The following NXPE2 variants were observed in gnomAD, a reference collection of about 807,000 sequenced individuals.
NXPE2 encodes neurexophilin and PC-esterase domain family member 2.
In NXPE2, 34 loss-of-function variants were observed where a neutral mutation model predicts 34.4. That is an observed-to-expected ratio of 0.99 (90% confidence interval 0.75 to 1.31). The LOEUF (loss-of-function observed/expected upper bound fraction) is 1.31, where lower values mean the gene tolerates loss of function less well. NXPE2 is among the 40% of genes most tolerant of loss of function. NXPE2 has a pLI of 0.00. For synonymous variants in NXPE2, 235 were observed against 231.3 expected (o/e 1.02, Z -0.15); for missense variants, 649 against 672.5 (o/e 0.97, Z 0.39).
the NXPE2 span, among the ~76,000 whole-genome samples, chr11:114,809,794 C>T: frequency 0.12 from 10,361 of 89,060 alleles, 719 homozygotes; most frequent in South Asian, 0.15. Flanking sequence ...CAATGCCATC[C>T]CCATCAAGCT....
chr11:114,633,769 C>G, the NXPE2 span, among the ~76,000 whole-genome samples: 17 of 152,020 alleles, frequency 1.1e-4, no homozygotes, highest in African/African-American at 4.1e-4. Flanking sequence ...CCAATTTCAT[C>G]CATGTCCCTA....
At chr11:114,485,812 G>A in the NXPE2 span, among the ~76,000 whole-genome samples, 3 of 152,152 alleles carry the variant, frequency 2.0e-5, no homozygotes, top group Non-Finnish European at 2.9e-5. Context: ...CATCCCTGAT[G>A]TTGCAAATGA....
the NXPE2 span, among the ~76,000 whole-genome samples, chr11:114,620,952 G>A: frequency 6.6e-6 from 1 of 152,140 alleles, no homozygotes; most frequent in Non-Finnish European, 1.5e-5. Context: ...TTTACCTGTT[G>A]GATAATAAGT....
chr11:114,704,640 T>A (rs1298069266), intron 4 of NXPE2, among the ~76,000 whole-genome samples: 1 of 152,142 alleles, frequency 6.6e-6, no homozygotes, highest in East Asian at 1.9e-4. Flanking sequence ...ATCAACGGGG[T>A]GTACCATTAC....
intron 2 of NXPE2, among the ~76,000 whole-genome samples, chr11:114,689,455 G>A (rs574624736): frequency 6.6e-6 from 1 of 151,870 alleles, no homozygotes; most frequent in Non-Finnish European, 1.5e-5. Context: ...TAGATGCTTG[G>A]TATGATTTCA....
the NXPE2 span, chr11:114,584,486 C>A: frequency 8.6e-5 from 16 of 186,560 alleles, no homozygotes; most frequent in South Asian, 1.2e-3. Flanking sequence ...GTTTCTCTGA[C>A]AGATGAATTA....
the NXPE2 span, among the ~76,000 whole-genome samples, chr11:114,766,022 C>G: frequency 6.6e-6 from 1 of 152,196 alleles, no homozygotes; most frequent in South Asian, 2.1e-4. Flanking sequence ...CTTCCTTTTT[C>G]CAAACACTTC....
the NXPE2 span, among the ~76,000 whole-genome samples, chr11:114,549,879 A>C: frequency 6.6e-6 from 1 of 152,086 alleles, no homozygotes; most frequent in Non-Finnish European, 1.5e-5. Flanking sequence ...ATTTAGTAAA[A>C]TAGTAGGAAA....
At chr11:114,531,204 T>C in the NXPE2 span, among the ~76,000 whole-genome samples, 1 of 152,150 alleles carries the variant, frequency 6.6e-6, no homozygotes. Context: ...TTTTAGAGAA[T>C]GTCTGAACAG....
chr11:114,524,973 G>A, the NXPE2 span, among the ~76,000 whole-genome samples: 163 of 152,178 alleles, frequency 1.1e-3, no homozygotes, highest in African/African-American at 3.6e-3. Flanking sequence ...AGTGTTTCTT[G>A]TATAACAGCA....
At chr11:114,537,292 G>C in the NXPE2 span, among the ~76,000 whole-genome samples, 2 of 152,220 alleles carry the variant, frequency 1.3e-5, no homozygotes, top group East Asian at 3.9e-4. Flanking sequence ...AAAATAATAA[G>C]AGCTATCTAT....
the NXPE2 span, chr11:114,527,714 G>T: frequency 3.4e-6 from 2 of 586,316 alleles, no homozygotes; most frequent in Non-Finnish European, 3.0e-6. Context: ...TCCCTTTAAA[G>T]TCCAGCATGA....
chr11:114,583,273 C>A, the NXPE2 span: 1 of 652,084 alleles, frequency 1.5e-6, no homozygotes, highest in South Asian at 1.7e-5. Flanking sequence ...GGCAGGGCAC[C>A]AGGAGGAAAG....
At chr11:114,530,350 A>G in the NXPE2 span, 1 of 1,614,228 alleles carries the variant, frequency 6.2e-7, no homozygotes, top group African/African-American at 1.3e-5. Flanking sequence ...GTCAGGCCAC[A>G]TTCAGTGAAG....
chr11:114,705,715 A>G (rs1424814020), intron 4 of NXPE2, 66 bp from the exon 5 acceptor site: 4 of 1,018,418 alleles, frequency 3.9e-6, no homozygotes, highest in Non-Finnish European at 5.4e-6. Context: ...GGCAAAAATG[A>G]GAAACATTTT....
At chr11:114,530,524 C>T in the NXPE2 span, 1 of 1,613,918 alleles carries the variant, frequency 6.2e-7, no homozygotes, top group South Asian at 1.1e-5. Flanking sequence ...AGGTAGGTGC[C>T]ATTGTTGAAG....
At chr11:114,701,859 A>T (rs903576745) in intron 3 of NXPE2, among the ~76,000 whole-genome samples, 1 of 152,188 alleles carries the variant, frequency 6.6e-6, no homozygotes, top group Non-Finnish European at 1.5e-5. Flanking sequence ...AGGATGCAAA[A>T]CCTAATATAT....
chr11:114,680,598 C>T (rs1950933153), intron 2 of NXPE2, among the ~76,000 whole-genome samples: 1 of 152,062 alleles, frequency 6.6e-6, no homozygotes, highest in South Asian at 2.1e-4. Context: ...CCAGGTCCTA[C>T]CCACTACCAA....
the NXPE2 span, among the ~76,000 whole-genome samples, chr11:114,539,011 A>G: frequency 9.3e-6 from 1 of 107,550 alleles, no homozygotes; most frequent in African/African-American, 3.9e-5. Context: ...ACTATTCACA[A>G]TAGCAAAGAC....
Sources: gnomAD v4.1 joint callset for allele counts (sites outside exome capture counted in the v4.1 genomes callset) on GRCh38, gnomAD v4.1.1 for gene constraint, MANE v1.5 for transcripts, NCBI Gene and HGNC (gene_info 2026-07-23, HGNC 2026-07-21) for gene names.